The following FAM199X variants were observed in gnomAD, a reference collection of about 807,000 sequenced individuals.
FAM199X encodes family with sequence similarity 199, X-linked.
Under a neutral mutation model 22.9 loss-of-function variants are expected in FAM199X, and 4 were observed. The observed-to-expected ratio is 0.17, with a 90% CI of 0.09 to 0.40. The LOEUF is 0.40. Among genes scored for constraint, FAM199X ranks in the 10% least tolerant of loss-of-function variants. The pLI, the probability that FAM199X is intolerant of heterozygous loss-of-function variation, is 1.00. For synonymous variants in FAM199X, 101 were observed against 112.3 expected (o/e 0.90, Z 0.64); for missense variants, 183 against 306.8 (o/e 0.60, Z 3.01).
chrX:104,166,836 C>G lies in FAM199X; in HGVS notation c.51C>G (p.Pro17=), dbSNP rs1556374034. ...CTTCCTACGAGAAGTTTCTAACCCC[C>G]GAGGAGCCCTTCCCACTCCTGGGAC... ...AITSYEKFLT[P]EEPFPLLGPP... Residue 17 remains proline (P), a synonymous_variant, in exon 1 of 6, where the codon CCC becomes CCG. Transcript: ENST00000493442. The G allele has an allele frequency of 1.7e-6, 2 of 1,208,399 alleles. No individual in the cohort carries two copies. The highest frequency in any genetic ancestry group is 3.0e-5 in the East Asian group (1 of 33,482).
rs1401994767 is a variant in FAM199X, at chrX:104,191,025, A to G, written c.*1247A>G. 2 of 111,975 alleles carry G rather than the reference A, an allele frequency of 1.8e-5. No individual in the cohort carries two copies. The highest frequency in any genetic ancestry group is 9.5e-5 in the Admixed American group (1 of 10,571). The allele number at this position is 111,975 out of a possible 1,213,427, so 9.2% of individuals were successfully genotyped here. The stretch of plus-strand genomic sequence containing the variant: ...CATGGGTTAAAGAAGATGGAAACTG[A>G]TACTACTGACAATCAAGCTGCTTTC... On this transcript the variant is annotated 3_prime_UTR_variant, in exon 6 of 6. Coordinates refer to ENST00000493442, the MANE Select transcript of FAM199X (RefSeq NM_207318.4).
Position 104,189,627 on chromosome X carries a change from A to C in FAM199X, c.1016A>C (p.Lys339Thr), listed in dbSNP as rs1333941901. 1 of 1,210,079 alleles carries C rather than the reference A, an allele frequency of 8.3e-7. No homozygotes were observed. Residue 339 changes from lysine to threonine, a missense_variant, in exon 6 of 6, where the codon AAG (lysine) becomes ACG (threonine). Transcript: ENST00000493442. The part of the protein sequence containing the change: ...RDSKKRSKQR[K>T]LQQKAFRKRQ... ...TGACAGAAGCGATCCAAGCAGCGGA[A>C]GTTACAGCAGAAGGCCTTCCGCAAG...
rs955546295 is a variant in FAM199X at position 104,190,681 on chromosome X, C to G, written c.*903C>G. 19 of 110,759 alleles carry G rather than the reference C, an allele frequency of 1.7e-4. No individual in the cohort carries two copies. The highest frequency in any genetic ancestry group is 3.0e-4 in the Non-Finnish European group (16 of 52,897). The allele number at this position is 110,759 out of a possible 1,213,427, so 9.1% of individuals were successfully genotyped here. On this transcript the variant is annotated 3_prime_UTR_variant, in exon 6 of 6. Transcript: ENST00000493442. The stretch of plus-strand genomic sequence containing the variant: ...AGTCAGTCTATATCTCTCTCAAGTT[C>G]TTATTGTAGGTCATTTTTTTTTCAG...
At chrX:104,174,407 G>A (rs1161613250) in intron 1 of FAM199X, among the ~76,000 whole-genome samples, 1 of 111,341 alleles carries the variant, frequency 9.0e-6, no homozygotes, top group Non-Finnish European at 1.9e-5. Context: ...TTTATATACT[G>A]CCCTGGGGAG....
At chrX:104,166,422 C>T (rs1306603270), upstream of FAM199X, among the ~76,000 whole-genome samples, 5 of 111,702 alleles carry the variant, frequency 4.5e-5, no homozygotes, top group Middle Eastern at 9.4e-3. Flanking sequence ...GCCGCCCTTC[C>T]CCTCCTTGCG....
chrX:104,179,733 G>A (rs1302494326), intron 2 of FAM199X, among the ~76,000 whole-genome samples: 4 of 110,634 alleles, frequency 3.6e-5, no homozygotes, highest in African/African-American at 1.3e-4. Flanking sequence ...TTAGGGGAGA[G>A]GTTCAGTCTG....
intron 1 of FAM199X, among the ~76,000 whole-genome samples, chrX:104,173,791 C>CA (rs1950704000): frequency 9.0e-6 from 1 of 110,807 alleles, no homozygotes; most frequent in East Asian, 2.8e-4. Context: ...ATTTCAAGAC[C>CA]AAAAAAAGAT....
At chrX:104,162,063 G>C (rs111719795), upstream of FAM199X, among the ~76,000 whole-genome samples, 4,321 of 111,219 alleles carry the variant, frequency 0.039, 181 homozygotes, top group African/African-American at 0.13. Context: ...AACAAAAGAG[G>C]GTTTAGGTTT....
intron 5 of FAM199X, 118 bp downstream of exon 5, chrX:104,188,424 C>A: frequency 1.1e-6 from 1 of 875,897 alleles, no homozygotes; most frequent in Non-Finnish European, 1.6e-6. Flanking sequence ...GGGTTTTGGT[C>A]TTAATTGAAC....
intron 2 of FAM199X, among the ~76,000 whole-genome samples, chrX:104,180,837 ATCTT>A (rs1556377675): frequency 8.9e-6 from 1 of 112,392 alleles, no homozygotes; most frequent in Non-Finnish European, 1.9e-5. Flanking sequence ...ATCTGTTTAA[ATCTT>A]TCTTTTTAAC....
chrX:104,179,708 G>A (rs1236436719), intron 2 of FAM199X, among the ~76,000 whole-genome samples: 2 of 111,046 alleles, frequency 1.8e-5, no homozygotes, highest in African/African-American at 3.3e-5. Flanking sequence ...GAGCATCCTT[G>A]TCTTTTTCCT....
At chrX:104,163,095 TACACACACACAC>T (rs35140355), upstream of FAM199X, among the ~76,000 whole-genome samples, 13,067 of 95,211 alleles carry the variant, frequency 0.14, 901 homozygotes, top group Admixed American at 0.3. Flanking sequence ...CTCAGCTAAA[TACACACACACAC>T]ACACACACAC....
the FAM199X span, among the ~76,000 whole-genome samples, chrX:104,159,052 C>T: frequency 1.8e-5 from 2 of 112,199 alleles, no homozygotes; most frequent in Admixed American, 9.5e-5. Flanking sequence ...AGACTTTTTA[C>T]TTAATTTTCT....
At chrX:104,174,784 G>T (rs1416745269) in intron 1 of FAM199X, among the ~76,000 whole-genome samples, 3 of 111,839 alleles carry the variant, frequency 2.7e-5, no homozygotes, top group Non-Finnish European at 5.6e-5. Flanking sequence ...TAAAAAATAT[G>T]TATGCACATA....
At chrX:104,163,688 C>CTTT (rs1180760241), upstream of FAM199X, among the ~76,000 whole-genome samples, 4 of 94,254 alleles carry the variant, frequency 4.2e-5, no homozygotes, top group Non-Finnish European at 4.3e-5. Flanking sequence ...GGAGGGACCT[C>CTTT]TTTTTTTTTT....
intron 1 of FAM199X, 62 bp downstream of exon 1, chrX:104,167,044 T>G (rs1031269743): frequency 2.0e-6 from 2 of 1,012,527 alleles, no homozygotes; most frequent in Non-Finnish European, 2.6e-6. Context: ...CCGCTCCTGA[T>G]CCTTCGTCCC....
In FAM199X at chrX:104,192,690, A is replaced by T. The variant is rs1430249982; in HGVS notation, c.*2912A>T. 1 of 111,762 alleles carries T rather than the reference A, an allele frequency of 8.9e-6. No individual in the cohort carries two copies. Among genetic ancestry groups the T allele is most frequent in the Non-Finnish European group, 1.9e-5 (1 of 52,954 alleles). The allele number at this position is 111,762 out of a possible 1,213,427, so 9.2% of individuals were successfully genotyped here. Reference sequence around the variant, plus strand: ...TCATTCTCTCCCAACAAGAACTTAGAATAAAATAACACTTTTTTTTCATGA... The same window carrying T: ...TCATTCTCTCCCAACAAGAACTTAGTATAAAATAACACTTTTTTTTCATGA... On this transcript the variant is annotated 3_prime_UTR_variant, in exon 6 of 6. Coordinates refer to ENST00000493442, the MANE Select transcript of FAM199X (RefSeq NM_207318.4).
chrX:104,157,435 A>G, the FAM199X span, among the ~76,000 whole-genome samples: 1 of 111,254 alleles, frequency 9.0e-6, no homozygotes, highest in East Asian at 2.8e-4. Flanking sequence ...TTGAAACCTG[A>G]GCTCCCGCGT....
chrX:104,166,184 C>A (rs1397445879), upstream of FAM199X, among the ~76,000 whole-genome samples: 7 of 112,851 alleles, frequency 6.2e-5, 1 homozygote, highest in Admixed American at 2.8e-4. Context: ...TCTCACGCAC[C>A]CGCAGTGTGA....
Sources: allele counts gnomAD v4.1 joint callset (sites outside exome capture counted in the v4.1 genomes callset), GRCh38; gene constraint gnomAD v4.1.1; transcripts MANE v1.5; gene names NCBI Gene and HGNC (gene_info 2026-07-23, HGNC 2026-07-21).